GHR: variants seen among roughly 807,000 people sequenced by gnomAD.
The protein encoded by GHR is GH receptor.
In GHR, 35 loss-of-function variants were observed where a neutral mutation model predicts 67.1. The observed-to-expected ratio is 0.52, with a 90% CI of 0.40 to 0.69. GHR has a LOEUF of 0.69. Among genes scored for constraint, GHR ranks in the 30% least tolerant of loss-of-function variants. The pLI is 0.00. For synonymous variants in GHR, 272 were observed against 269.1 expected (o/e 1.01, Z -0.10); for missense variants, 792 against 764.6 (o/e 1.04, Z -0.42).
chr5:42,460,794 G>A (rs2112042592), intron 1 of GHR, among the ~76,000 whole-genome samples: 1 of 152,240 alleles, frequency 6.6e-6, no homozygotes, highest in African/African-American at 2.4e-5. Context: ...TTAATACCAA[G>A]TCTCATTTGA....
intron 3 of GHR, among the ~76,000 whole-genome samples, chr5:42,668,954 A>AT (rs1756136102): frequency 1.3e-5 from 2 of 152,194 alleles, no homozygotes; most frequent in Non-Finnish European, 1.5e-5. Context: ...TATATGAAAC[A>AT]TTTTTAAAAT....
At chr5:42,637,254 T>TA (rs1337517184) in intron 3 of GHR, among the ~76,000 whole-genome samples, 2 of 152,010 alleles carry the variant, frequency 1.3e-5, no homozygotes, top group Admixed American at 6.6e-5. Flanking sequence ...TCTGGCCCTC[T>TA]AAAAAAAAGT....
chr5:42,659,449 T>C (rs574650203), intron 3 of GHR: 1 of 152,272 alleles, frequency 6.6e-6, no homozygotes, highest in African/African-American at 2.4e-5. Flanking sequence ...TGAGGGGCCC[T>C]TGAGTATCTA....
At chr5:42,584,427 A>G (rs6866524) in intron 2 of GHR, among the ~76,000 whole-genome samples, 5,624 of 152,280 alleles carry the variant, frequency 0.037, 359 homozygotes, top group African/African-American at 0.13. Context: ...TAGATTTCAC[A>G]GGGCAGATGC....
At chr5:42,595,995 T>C (rs1157480450) in intron 2 of GHR, among the ~76,000 whole-genome samples, 10 of 152,230 alleles carry the variant, frequency 6.6e-5, no homozygotes, top group Non-Finnish European at 1.2e-4. Flanking sequence ...CTTCAGTTTC[T>C]AAAATAAATT....
At chr5:42,425,207 G>GATGTGTAAT (rs1299762938) in intron 1 of GHR, among the ~76,000 whole-genome samples, 2 of 152,210 alleles carry the variant, frequency 1.3e-5, no homozygotes, top group Non-Finnish European at 2.9e-5. Context: ...AGGTCTAAGG[G>GATGTGTAAT]ATGTGTAATA....
At chr5:42,518,499 A>C (rs2112291128) in intron 1 of GHR, among the ~76,000 whole-genome samples, 1 of 152,268 alleles carries the variant, frequency 6.6e-6, no homozygotes, top group Middle Eastern at 3.4e-3. Flanking sequence ...AAGAAGTAAA[A>C]GTTTATAGTG....
intron 3 of GHR, among the ~76,000 whole-genome samples, chr5:42,657,143 A>G (rs1580137511): frequency 6.6e-6 from 1 of 152,218 alleles, no homozygotes; most frequent in South Asian, 2.1e-4. Context: ...TATAAGAGTA[A>G]TCATTAAGAG....
intron 1 of GHR, among the ~76,000 whole-genome samples, chr5:42,519,934 A>T (rs1218706915): frequency 1.3e-5 from 2 of 152,238 alleles, no homozygotes; most frequent in African/African-American, 4.8e-5. Flanking sequence ...CCACTAAGAC[A>T]TGCATGCATG....
At chr5:42,695,380 A>G (rs1757626376) in intron 5 of GHR, among the ~76,000 whole-genome samples, 1 of 152,146 alleles carries the variant, frequency 6.6e-6, no homozygotes, top group African/African-American at 2.4e-5. Flanking sequence ...TTGTGTTTTT[A>G]TGTTCCACTG....
intron 1 of GHR, chr5:42,548,636 T>A (rs1444530134): frequency 8.3e-6 from 2 of 242,340 alleles, no homozygotes; most frequent in East Asian, 3.6e-4. Context: ...AATATATGGC[T>A]GTGGCCAGAT....
chr5:42,486,727 G>A (rs1346031636), intron 1 of GHR, among the ~76,000 whole-genome samples: 2 of 151,872 alleles, frequency 1.3e-5, no homozygotes, highest in East Asian at 1.9e-4. Flanking sequence ...GGCACCTGTA[G>A]TCCCAGCTAC....
chr5:42,604,425 T>A (rs1424579137), intron 2 of GHR, among the ~76,000 whole-genome samples: 1 of 152,158 alleles, frequency 6.6e-6, no homozygotes, highest in Non-Finnish European at 1.5e-5. Context: ...GGCAGGACCT[T>A]TTTTGAAATG....
intron 3 of GHR, among the ~76,000 whole-genome samples, chr5:42,668,840 TAA>T (rs1756129292): frequency 1.3e-5 from 2 of 152,134 alleles, no homozygotes; most frequent in South Asian, 4.1e-4. Flanking sequence ...TAAAAAATCA[TAA>T]GTTAGAAATG....
chr5:42,669,094 C>G (rs1246155690), intron 3 of GHR, among the ~76,000 whole-genome samples: 1 of 152,114 alleles, frequency 6.6e-6, no homozygotes, highest in African/African-American at 2.4e-5. Context: ...GGTCCAGCCC[C>G]TTTACATAAA....
At chr5:42,507,401 C>T (rs1746825184) in intron 1 of GHR, among the ~76,000 whole-genome samples, 1 of 152,200 alleles carries the variant, frequency 6.6e-6, no homozygotes, top group Non-Finnish European at 1.5e-5. Context: ...TTAGTATATT[C>T]ACCCAGACTA....
At chr5:42,571,070 A>T (rs1750280281) in intron 2 of GHR, among the ~76,000 whole-genome samples, 1 of 152,166 alleles carries the variant, frequency 6.6e-6, no homozygotes, top group African/African-American at 2.4e-5. Context: ...TCCATTTCTA[A>T]GTTTCTGCAT....
At chr5:42,483,849 C>T (rs1448331169) in intron 1 of GHR, among the ~76,000 whole-genome samples, 2 of 152,202 alleles carry the variant, frequency 1.3e-5, no homozygotes, top group African/African-American at 4.8e-5. Flanking sequence ...AGGGTGAAGT[C>T]AGAGAAAAGA....
intron 3 of GHR, 134 bp from the exon 4 acceptor site, chr5:42,688,756 C>T (rs976276978): frequency 1.6e-5 from 14 of 854,834 alleles, no homozygotes; most frequent in Middle Eastern, 3.3e-4. Flanking sequence ...TGGAAGACAT[C>T]GGCATTACCT....
Sources: allele counts gnomAD v4.1 joint callset (sites outside exome capture counted in the v4.1 genomes callset), GRCh38; gene constraint gnomAD v4.1.1; transcripts MANE v1.5; gene names NCBI Gene and HGNC (gene_info 2026-07-23, HGNC 2026-07-21).